DENND10: variants seen among roughly 807,000 people sequenced by gnomAD.
DENND10 encodes the protein DENN domain containing 10.
In DENND10, 24 loss-of-function variants were observed where a neutral mutation model predicts 43.6. The observed-to-expected ratio is 0.55, with a 90% CI of 0.40 to 0.77. The LOEUF is 0.77. DENND10 is among the 30% of genes least tolerant of loss of function. The probability of loss-of-function intolerance (pLI) is 0.00; values close to 1 mark genes in which losing one functional copy is unlikely to be tolerated. For synonymous variants in DENND10, 125 were observed against 157.6 expected, an observed-to-expected ratio of 0.79 and a Z score of 1.55; for missense variants, 303 against 429.9, an observed-to-expected ratio of 0.70 and a Z score of 2.61.
chr10:119,111,716 G>C, intron 2 of DENND10, 133 bp from the exon 3 acceptor site: 1 of 635,628 alleles, frequency 1.6e-6, no homozygotes, highest in Non-Finnish European at 2.8e-6. Context: ...AAGCAAGTGA[G>C]GACTTGTTAA....
intron 8 of DENND10, among the ~76,000 whole-genome samples, chr10:119,136,205 C>CT (rs1442769532): frequency 6.7e-6 from 1 of 150,330 alleles, no homozygotes; most frequent in Non-Finnish European, 1.5e-5. Flanking sequence ...AAGGAGTTAT[C>CT]TTTTTTGTTG....
rs566448266 is a variant in DENND10, at chr10:119,131,241, G to A, written c.803-1274G>A. Reference sequence around the variant, plus strand: ...TGGGAGGCCAAGGCGGGTGGATCACGAGGTCAGGAGATCGGGACCAGCCTG... The same window carrying A: ...TGGGAGGCCAAGGCGGGTGGATCACAAGGTCAGGAGATCGGGACCAGCCTG... On this transcript the variant is annotated intron_variant, in intron 7 of 8. Transcript: ENST00000361432. 6.1e-4 allele frequency among the ~76,000 whole-genome samples: 93 copies of A among 152,256 alleles called. No individual in the cohort carries two copies. The Middle Eastern group carries it at 0.01, about 17-fold the overall frequency.
intron 7 of DENND10, among the ~76,000 whole-genome samples, chr10:119,131,451 C>G (rs1436129417): frequency 6.6e-6 from 1 of 152,130 alleles, no homozygotes; most frequent in Admixed American, 6.6e-5. Context: ...AAGCAAGACT[C>G]TGTCTCAAAT....
intron 6 of DENND10, among the ~76,000 whole-genome samples, chr10:119,128,126 A>G (rs968698340): frequency 6.6e-6 from 1 of 151,980 alleles, no homozygotes; most frequent in Non-Finnish European, 1.5e-5. Context: ...CAGCCTGACC[A>G]ATATGGTGAA....
intron 3 of DENND10, among the ~76,000 whole-genome samples, chr10:119,113,621 A>T (rs374496126): frequency 1.3e-5 from 2 of 151,894 alleles, no homozygotes; most frequent in South Asian, 4.1e-4. Flanking sequence ...TTTTTGTTTT[A>T]TAAGCCTAAT....
At chr10:119,105,186 T>A (rs533888301) in intron 1 of DENND10, 2 of 152,812 alleles carry the variant, frequency 1.3e-5, no homozygotes, top group African/African-American at 4.8e-5. Context: ...GCAATAACAT[T>A]GCTTAGGCTT....
rs1845228363 is a variant in DENND10 at position 119,115,642 on chromosome 10, G to T, written c.333-1877G>T. On this transcript the variant is annotated intron_variant, in intron 3 of 8. Transcript: ENST00000361432. ...CTGACCTCGTGATCCGCCCGCCTCG[G>T]CCTCCCAAAGTGCTGGAATTGGTAA... is the stretch of plus-strand genomic sequence containing the variant. Among the ~76,000 whole-genome samples the T allele has an allele frequency of 4.0e-5, 6 of 151,004 alleles. No homozygotes were observed. The South Asian group carries it at 1.3e-3, about 32-fold the overall frequency.
intron 6 of DENND10, among the ~76,000 whole-genome samples, 168 bp downstream of exon 6, chr10:119,123,737 T>C: frequency 6.6e-6 from 1 of 152,026 alleles, no homozygotes; most frequent in Admixed American, 6.6e-5. Flanking sequence ...TAGCTGGGAT[T>C]ACAGGCATGT....
chr10:119,128,563 A>C (rs1377388215), intron 6 of DENND10, among the ~76,000 whole-genome samples: 1 of 151,550 alleles, frequency 6.6e-6, no homozygotes, highest in Non-Finnish European at 1.5e-5. Flanking sequence ...AGCCGAGATC[A>C]TGCTACTGCA....
chr10:119,114,269 C>CACAG (rs1845133842), intron 3 of DENND10: 1 of 149,520 alleles, frequency 6.7e-6, no homozygotes, highest in African/African-American at 2.4e-5. Context: ...TATTTGCACA[C>CACAG]ACACACACAC....
At chr10:119,121,123 T>C (rs1474132355) in intron 5 of DENND10, among the ~76,000 whole-genome samples, 3 of 151,234 alleles carry the variant, frequency 2.0e-5, no homozygotes, top group Non-Finnish European at 3.0e-5. Context: ...CCAAAATAAA[T>C]GTAGATTTTG....
At chr10:119,120,070 A>G (rs1227888325) in intron 4 of DENND10, among the ~76,000 whole-genome samples, 2 of 151,160 alleles carry the variant, frequency 1.3e-5, no homozygotes, top group Non-Finnish European at 2.9e-5. Flanking sequence ...CAACATGGTG[A>G]AACCCCGTCT....
chr10:119,104,299 C>A (rs1174704476), intron 1 of DENND10, 102 bp downstream of exon 1: 1 of 1,159,752 alleles, frequency 8.6e-7, no homozygotes, highest in Non-Finnish European at 1.2e-6. Flanking sequence ...CGGCGCCGAC[C>A]GCATGAGGAG....
intron 6 of DENND10, among the ~76,000 whole-genome samples, chr10:119,124,371 CAAAA>C (rs1175412178): frequency 1.9e-5 from 2 of 104,870 alleles, no homozygotes; most frequent in African/African-American, 3.6e-5. Context: ...ACTAAAATAC[CAAAA>C]AAAAAAAAAA....
rs41284414 is a variant in DENND10 at position 119,136,682 on chromosome 10, A to C, written c.*35A>C. On this transcript the variant is annotated 3_prime_UTR_variant, in exon 9 of 9. Transcript: ENST00000361432. Reference sequence around the variant, plus strand: ...AGAACGTATCACTGATGACTGATAGAAAGCCCTCTTTCACTCTGATTACCC... The same window carrying C: ...AGAACGTATCACTGATGACTGATAGCAAGCCCTCTTTCACTCTGATTACCC... 25,602 of 1,133,212 alleles carry C rather than the reference A, an allele frequency of 0.023. 406 individuals are homozygous for C. Among genetic ancestry groups the C allele is most frequent in the Non-Finnish European group, 0.028 (22,653 of 806,222 alleles). 70.2% of individuals were successfully genotyped at this position (1,133,212 alleles called of 1,614,324 possible).
At chr10:119,116,062 C>T (rs1265284903) in intron 3 of DENND10, among the ~76,000 whole-genome samples, 1 of 152,188 alleles carries the variant, frequency 6.6e-6, no homozygotes, top group Non-Finnish European at 1.5e-5. Flanking sequence ...CTGTGCCCGG[C>T]CCTCAAGTGA....
intron 1 of DENND10, 76 bp from the exon 2 acceptor site, chr10:119,107,888 CTAAG>C (rs1415534571): frequency 3.1e-6 from 4 of 1,304,724 alleles, no homozygotes; most frequent in African/African-American, 1.5e-5. Flanking sequence ...ACTGATTCCA[CTAAG>C]TGTTTCTGAG....
rs1418955171 is a variant in DENND10 at position 119,137,812 on chromosome 10, A to AGAC, written c.*1166_*1168dup. 6.0e-6 allele frequency: 1 copy of AGAC among 166,308 alleles called. No homozygotes were observed. The highest frequency in any genetic ancestry group is 1.5e-5 in the Non-Finnish European group (1 of 68,022). 10.3% of individuals were successfully genotyped at this position (166,308 alleles called of 1,614,324 possible). A position where few individuals can be genotyped will look rare whatever the true frequency, so the allele number is the denominator to read the frequency against. ...GTGAGGGCAGGGAGTACCTGAAATA[A>AGAC]GACAATGTTTACTAAGGCAAATAAT... is the stretch of plus-strand genomic sequence containing the variant. On this transcript the variant is annotated 3_prime_UTR_variant, in exon 9 of 9. Transcript: ENST00000361432.
chr10:119,128,810 C>A (rs1204897838), intron 6 of DENND10, among the ~76,000 whole-genome samples: 1 of 151,938 alleles, frequency 6.6e-6, no homozygotes, highest in African/African-American at 2.4e-5. Flanking sequence ...AAGGTGCCGT[C>A]CACTTTTAAA....
Sources: gnomAD v4.1 joint callset for allele counts (sites outside exome capture counted in the v4.1 genomes callset) on GRCh38, gnomAD v4.1.1 for gene constraint, MANE v1.5 for transcripts, NCBI Gene and HGNC (gene_info 2026-07-23, HGNC 2026-07-21) for gene names.